Variants in SOX5 observed in about 807,000 individuals in gnomAD.
SOX5 encodes transcription factor SOX-5.
Under a neutral mutation model 92.0 loss-of-function variants are expected in SOX5, and 9 were observed. The ratio of observed to expected loss-of-function variants is 0.10; its 90% CI spans 0.06 to 0.17. The LOEUF is 0.17. Among genes scored for constraint, SOX5 ranks in the 10% least tolerant of loss-of-function variants. The probability of loss-of-function intolerance (pLI) is 1.00; values close to 1 mark genes in which losing one functional copy is unlikely to be tolerated. For synonymous variants in SOX5, 344 were observed against 336.3 expected (o/e 1.02, Z -0.25); for missense variants, 642 against 944.5 (o/e 0.68, Z 4.20).
chr12:24,152,087 C>T (rs924344831), intron 4 of SOX5, among the ~76,000 whole-genome samples: 2 of 152,140 alleles, frequency 1.3e-5, no homozygotes, highest in African/African-American at 2.4e-5. Flanking sequence ...TTTTCCAACA[C>T]ACCAGCATTT....
rs528297440 is a variant in SOX5 at position 24,533,211 on chromosome 12, G to A, written c.-251+29118C>T. Reference sequence around the variant, plus strand: ...GATATTCTGTTGGAATTAATCCATGGTCAATTCCATTTTGTAAGGAGCTTG... The same window carrying A: ...GATATTCTGTTGGAATTAATCCATGATCAATTCCATTTTGTAAGGAGCTTG... On this transcript the variant is annotated intron_variant, in intron 1 of 4. Coordinates refer to the SOX5 transcript ENST00000446891. Among the ~76,000 whole-genome samples, 3 of 152,086 alleles carry A rather than the reference G, an allele frequency of 2.0e-5. No homozygotes were observed. The East Asian group carries it at 5.8e-4, about 29-fold the overall frequency.
chr12:24,011,579 T>C (rs1952944311), intron 4 of SOX5, among the ~76,000 whole-genome samples: 1 of 152,180 alleles, frequency 6.6e-6, no homozygotes, highest in South Asian at 2.1e-4. Context: ...TTCTGGCCCA[T>C]TTCTCAAGTT....
At chr12:23,611,094 G>A (rs2075892423) in intron 8 of SOX5, among the ~76,000 whole-genome samples, 1 of 152,010 alleles carries the variant, frequency 6.6e-6, no homozygotes, top group Admixed American at 6.6e-5. Flanking sequence ...CTTTTAGTTT[G>A]CTTAAAGTTT....
chr12:24,154,067 G>A (rs1260738211), intron 4 of SOX5, among the ~76,000 whole-genome samples: 1 of 152,080 alleles, frequency 6.6e-6, no homozygotes, highest in Admixed American at 6.6e-5. Context: ...CCAATGTAAT[G>A]TGCTTTCCTC....
At chr12:24,395,094 T>C (rs180712540) in intron 1 of SOX5, among the ~76,000 whole-genome samples, 1 of 152,300 alleles carries the variant, frequency 6.6e-6, no homozygotes, top group African/African-American at 2.4e-5. Flanking sequence ...TATACATTTC[T>C]TAGAAAAAAC....
rs777013504 is a variant in SOX5, at chr12:23,779,814, T to TATATATATACACAC, written c.482-24091_482-24090insGTGTGTATATATAT. On this transcript the variant is annotated intron_variant, in intron 3 of 14. Transcript: ENST00000451604. ...ATATATATATATATATATATATATA[T>TATATATATACACAC]ACACACACACACACACACACACACA... Among the ~76,000 whole-genome samples, 509 of 110,694 alleles carry TATATATATACACAC rather than the reference T, an allele frequency of 4.6e-3. 2 individuals are homozygous for TATATATATACACAC. Among genetic ancestry groups the TATATATATACACAC allele is most frequent in the Non-Finnish European group, 5.8e-3 (326 of 55,776 alleles). 72.6% of individuals were successfully genotyped at this position (110,694 alleles called of 152,430 possible).
intron 8 of SOX5, among the ~76,000 whole-genome samples, chr12:23,613,581 T>C (rs927579219): frequency 6.6e-6 from 1 of 152,324 alleles, no homozygotes; most frequent in South Asian, 2.1e-4. Context: ...AGCAGAATTA[T>C]TCACAACAGC....
chr12:23,999,811 G>A (rs1309899259), intron 4 of SOX5, among the ~76,000 whole-genome samples: 2 of 151,886 alleles, frequency 1.3e-5, no homozygotes, highest in Non-Finnish European at 2.9e-5. Flanking sequence ...AAACAAAGGT[G>A]TTTCCAGGTG....
intron 1 of SOX5, among the ~76,000 whole-genome samples, chr12:24,456,644 G>T (rs764138244): frequency 6.6e-6 from 1 of 152,286 alleles, no homozygotes; most frequent in South Asian, 2.1e-4. Flanking sequence ...TGTGGGAACT[G>T]ACCACAGAGC....
intron 11 of SOX5, among the ~76,000 whole-genome samples, chr12:23,552,371 G>A (rs575734876): frequency 7.3e-5 from 11 of 151,710 alleles, no homozygotes; most frequent in East Asian, 1.9e-4. Flanking sequence ...AATGCAGACC[G>A]GGGAAACTCA....
intron 4 of SOX5, among the ~76,000 whole-genome samples, chr12:24,028,969 A>G (rs889073350): frequency 6.6e-6 from 1 of 152,098 alleles, no homozygotes; most frequent in Non-Finnish European, 1.5e-5. Flanking sequence ...GGCGCTGCTT[A>G]GAAGCAAAAC....
chr12:23,600,419 AG>A (rs2074286177), intron 9 of SOX5, among the ~76,000 whole-genome samples: 1 of 150,970 alleles, frequency 6.6e-6, no homozygotes. Flanking sequence ...ATGAGTATTT[AG>A]AAAAATTTTA....
intron 1 of SOX5, among the ~76,000 whole-genome samples, chr12:24,466,575 C>G (rs1203813304): frequency 6.6e-6 from 1 of 152,208 alleles, no homozygotes; most frequent in African/African-American, 2.4e-5. Flanking sequence ...AGGTAGCCCA[C>G]TAGTTGGCAT....
chr12:23,950,208 G>A (rs1945380589), upstream of SOX5, among the ~76,000 whole-genome samples: 1 of 151,428 alleles, frequency 6.6e-6, no homozygotes, highest in South Asian at 2.1e-4. Context: ...ACAAAGAATT[G>A]TTATTCCTTC....
At chr12:23,829,431 C>T (rs1160885113) in intron 3 of SOX5, among the ~76,000 whole-genome samples, 1 of 152,090 alleles carries the variant, frequency 6.6e-6, no homozygotes, top group Admixed American at 6.6e-5. Flanking sequence ...GGAAAAGAGG[C>T]CTCAGAAACA....
intron 4 of SOX5, among the ~76,000 whole-genome samples, chr12:24,017,745 C>T (rs1473800716): frequency 1.3e-5 from 2 of 152,148 alleles, no homozygotes; most frequent in Non-Finnish European, 2.9e-5. Flanking sequence ...TGTCCTTTCA[C>T]TCATTTTCAT....
intron 4 of SOX5, among the ~76,000 whole-genome samples, chr12:24,020,819 T>C (rs568348509): frequency 6.6e-6 from 1 of 152,322 alleles, no homozygotes; most frequent in African/African-American, 2.4e-5. Context: ...TCACTGGACC[T>C]GAGAGACGGC....
chr12:23,863,533 G>A (rs1019400797), intron 2 of SOX5, among the ~76,000 whole-genome samples: 5 of 151,832 alleles, frequency 3.3e-5, no homozygotes, highest in Admixed American at 6.6e-5. Flanking sequence ...GCTTCTCATC[G>A]GAATAAAATA....
intron 4 of SOX5, among the ~76,000 whole-genome samples, chr12:24,130,724 C>T (rs1049878285): frequency 1.3e-5 from 2 of 152,192 alleles, no homozygotes; most frequent in African/African-American, 4.8e-5. Context: ...CTGACCATGG[C>T]TGTCTCTTCT....
Sources: allele counts gnomAD v4.1 joint callset (sites outside exome capture counted in the v4.1 genomes callset), GRCh38; gene constraint gnomAD v4.1.1; transcripts MANE v1.5; gene names NCBI Gene and HGNC (gene_info 2026-07-23, HGNC 2026-07-21).